BCL2L1: variants seen among roughly 807,000 people sequenced by gnomAD.
The protein encoded by BCL2L1 is BCL2 like 1, also known as bcl-2-like protein 1.
A neutral mutation model predicts 18.7 loss-of-function variants in BCL2L1; 1 was observed. The observed-to-expected ratio is 0.05, with a 90% CI of 0.02 to 0.25. BCL2L1 has a LOEUF of 0.25. Ranked by LOEUF, BCL2L1 falls within the 10% of genes least tolerant of loss-of-function variation. The probability of loss-of-function intolerance (pLI) is 1.00; values close to 1 mark genes in which losing one functional copy is unlikely to be tolerated. For missense variants in BCL2L1, 207 were observed against 304.9 expected (o/e 0.68, Z 2.39); for synonymous variants, 103 against 122.7 (o/e 0.84, Z 1.06).
At chr20:31,712,275 T>C (rs2122784447) in intron 2 of BCL2L1, among the ~76,000 whole-genome samples, 1 of 152,316 alleles carries the variant, frequency 6.6e-6, no homozygotes, top group South Asian at 2.1e-4. Context: ...GGTTGGAAGC[T>C]ACCCTCCCAG....
intron 2 of BCL2L1, among the ~76,000 whole-genome samples, chr20:31,701,177 C>T (rs2061272024): frequency 6.6e-6 from 1 of 152,132 alleles, no homozygotes. Flanking sequence ...CCTCAGCCTC[C>T]TGAGTAGCTG....
intron 2 of BCL2L1, 126 bp downstream of exon 2, chr20:31,721,529 G>T: frequency 3.4e-6 from 4 of 1,179,754 alleles, no homozygotes; most frequent in Non-Finnish European, 4.7e-6. Context: ...GGCCAGTCAG[G>T]TTTCCTCAAC....
chr20:31,689,750 G>A (rs894338343), intron 2 of BCL2L1, among the ~76,000 whole-genome samples: 7 of 151,992 alleles, frequency 4.6e-5, no homozygotes, highest in African/African-American at 9.7e-5. Context: ...GCGCGGTGGC[G>A]CACGCCTGTA....
At chr20:31,684,289 A>G (rs564761741) in intron 2 of BCL2L1, among the ~76,000 whole-genome samples, 118 of 152,358 alleles carry the variant, frequency 7.7e-4, no homozygotes, top group African/African-American at 2.7e-3. Context: ...TGAAGAGAAC[A>G]AAGGCCAAAG....
intron 2 of BCL2L1, among the ~76,000 whole-genome samples, chr20:31,681,231 G>A (rs538221033): frequency 8.0e-4 from 122 of 152,356 alleles, no homozygotes; most frequent in African/African-American, 2.9e-3. Flanking sequence ...AATAGCGTCC[G>A]TCTGGCTGCT....
chr20:31,665,943 G>T lies in BCL2L1; in HGVS notation c.*6C>A, dbSNP rs781506995. The T allele has an allele frequency of 6.2e-7, 1 of 1,613,170 alleles. No homozygotes were observed. The highest frequency in any genetic ancestry group is 1.1e-5 in the South Asian group (1 of 91,028). The stretch of plus-strand genomic sequence containing the variant: ...TGGGAGGGTAGAGTGGATGGTCAGT[G>T]TCTGGTCATTTCCGACTGAAGAGTG... On this transcript the variant is annotated 3_prime_UTR_variant, in exon 3 of 3. Transcript: ENST00000307677.
At chr20:31,715,262 ACT>A (rs1386610678) in intron 2 of BCL2L1, among the ~76,000 whole-genome samples, 1 of 137,048 alleles carries the variant, frequency 7.3e-6, no homozygotes, top group Non-Finnish European at 1.6e-5. Context: ...ACAGAGAAAG[ACT>A]CTGTCTCAAA....
At chr20:31,717,971 G>T (rs910263459) in intron 2 of BCL2L1, among the ~76,000 whole-genome samples, 1 of 152,238 alleles carries the variant, frequency 6.6e-6, no homozygotes, top group African/African-American at 2.4e-5. Flanking sequence ...TTCCAGGAAA[G>T]TATCACAGGG....
chr20:31,691,164 A>T (rs1187905236), intron 2 of BCL2L1, among the ~76,000 whole-genome samples: 13 of 130,614 alleles, frequency 1.0e-4, no homozygotes, highest in South Asian at 4.9e-4. Flanking sequence ...AAAAAAAAAA[A>T]AAAAAAAAAA....
intron 2 of BCL2L1, among the ~76,000 whole-genome samples, chr20:31,678,069 G>T (rs1210024781): frequency 6.6e-6 from 1 of 152,202 alleles, no homozygotes; most frequent in Non-Finnish European, 1.5e-5. Flanking sequence ...GATAAGGAAA[G>T]GGGACAGGAA....
intron 2 of BCL2L1, among the ~76,000 whole-genome samples, chr20:31,675,080 G>A (rs977635823): frequency 6.6e-6 from 1 of 152,128 alleles, no homozygotes; most frequent in Non-Finnish European, 1.5e-5. Context: ...GACCAGGAGG[G>A]AAAGTGAAAC....
At chr20:31,705,206 C>T (rs1364207366) in intron 2 of BCL2L1, among the ~76,000 whole-genome samples, 1 of 152,190 alleles carries the variant, frequency 6.6e-6, no homozygotes. Context: ...CTGAGTGGTA[C>T]TATTTTGAGA....
At chr20:31,681,426 C>T (rs988175853) in intron 2 of BCL2L1, among the ~76,000 whole-genome samples, 1 of 151,990 alleles carries the variant, frequency 6.6e-6, no homozygotes, top group African/African-American at 2.4e-5. Flanking sequence ...GGTGAGAGGA[C>T]TGCTTGAGTC....
intron 2 of BCL2L1, among the ~76,000 whole-genome samples, chr20:31,706,419 T>C (rs930665247): frequency 6.6e-6 from 1 of 152,246 alleles, no homozygotes; most frequent in Non-Finnish European, 1.5e-5. Context: ...TACTCTGCAC[T>C]AGGCAATGTG....
intron 2 of BCL2L1, among the ~76,000 whole-genome samples, chr20:31,707,442 T>C (rs1189208609): frequency 6.6e-6 from 1 of 152,184 alleles, no homozygotes; most frequent in Admixed American, 6.5e-5. Context: ...AAGTGCTCCA[T>C]GTATCTTTTC....
chr20:31,720,885 A>C, intron 2 of BCL2L1: 1 of 985,432 alleles, frequency 1.0e-6, no homozygotes, highest in Non-Finnish European at 1.2e-6. Flanking sequence ...GCCGGAAAGT[A>C]ACAGGCAGAG....
intron 2 of BCL2L1, chr20:31,713,593 GC>G (rs2061484402): frequency 1.0e-6 from 1 of 985,204 alleles, no homozygotes; most frequent in Admixed American, 6.2e-5. Flanking sequence ...CTCAAGCTTG[GC>G]CCGAGAGTCT....
At chr20:31,681,678 G>C (rs905060709) in intron 2 of BCL2L1, among the ~76,000 whole-genome samples, 3 of 152,162 alleles carry the variant, frequency 2.0e-5, no homozygotes, top group Admixed American at 2.0e-4. Context: ...GAGCTGAAAG[G>C]ATTTGCTGAT....
chr20:31,682,540 G>A (rs926557196), intron 2 of BCL2L1, among the ~76,000 whole-genome samples: 96 of 152,172 alleles, frequency 6.3e-4, no homozygotes, highest in Non-Finnish European at 1.3e-3. Flanking sequence ...CAACCTCCCA[G>A]GCTCAAGCAA....
Sources: allele counts gnomAD v4.1 joint callset (sites outside exome capture counted in the v4.1 genomes callset), GRCh38; gene constraint gnomAD v4.1.1; transcripts MANE v1.5; gene names NCBI Gene and HGNC (gene_info 2026-07-23, HGNC 2026-07-21).